NLRP14: variants seen among roughly 807,000 people sequenced by gnomAD.
NLRP14 encodes the protein NACHT, LRR and PYD domains-containing protein 14.
Under a neutral mutation model 94.7 loss-of-function variants are expected in NLRP14, and 105 were observed. That is an observed-to-expected ratio of 1.11 (90% CI 0.95 to 1.30). The LOEUF (loss-of-function observed/expected upper bound fraction) is 1.30. Among genes scored for constraint, NLRP14 ranks in the 50% most tolerant of loss-of-function variants. The pLI is 0.00. For missense variants in NLRP14, 1,362 were observed against 1,254.1 expected (o/e 1.09, Z -1.30); for synonymous variants, 508 against 459.9 (o/e 1.10, Z -1.34).
chr11:7,078,451 A>C, the NLRP14 span, among the ~76,000 whole-genome samples: 1 of 146,172 alleles, frequency 6.8e-6, no homozygotes, highest in African/African-American at 2.5e-5. Context: ...AAAAAAAAAA[A>C]AAAAAAAAAA....
At chr11:7,037,737 T>C (rs1445444664) in intron 1 of NLRP14, among the ~76,000 whole-genome samples, 1 of 152,172 alleles carries the variant, frequency 6.6e-6, no homozygotes, top group East Asian at 1.9e-4. Flanking sequence ...CTCAGTTAAC[T>C]GGAAGATATT....
rs527600221 is a variant in NLRP14, at chr11:7,069,349, G to C, written c.2976-937G>C. On this transcript the variant is annotated intron_variant, in intron 10 of 11. Coordinates refer to ENST00000299481, the MANE Select transcript of NLRP14 (RefSeq NM_176822.4). ...TAGGTACTCAGTTGTTCAATGGCCA[G>C]GTAAACATAAGGTGAAAATTAGATT... Among the ~76,000 whole-genome samples, 13 of 152,276 alleles carry C rather than the reference G, an allele frequency of 8.5e-5. No homozygotes were observed. The South Asian group carries it at 2.7e-3, about 32-fold the overall frequency.
At chr11:7,028,049 A>T (rs1472388138) in intron 1 of NLRP14, among the ~76,000 whole-genome samples, 1 of 152,036 alleles carries the variant, frequency 6.6e-6, no homozygotes, top group South Asian at 2.1e-4. Context: ...TGAATGTTCT[A>T]TTCTCACTCC....
chr11:7,089,005 G>T, the NLRP14 span: 1 of 1,254,680 alleles, frequency 8.0e-7, no homozygotes, highest in African/African-American at 1.5e-5. Context: ...CGTGGACTCG[G>T]CGACTAGGCG....
At position 7,042,474 on chromosome 11, in the gene NLRP14, T is replaced by C. The variant is rs1432710462; in HGVS notation, c.448T>C (p.Phe150Leu). ...KKSLAGKPEDFHHGIAEKDRK... is the reference protein window; with the variant it reads ...KKSLAGKPEDLHHGIAEKDRK... The stretch of plus-strand genomic sequence containing the variant: ...GTCTTTGGCTGGAAAGCCTGAAGAT[T>C]TCCATCATGGAATTGCAGAGAAAGA... Residue 150 changes from phenylalanine to leucine, a missense_variant, in exon 4 of 12, where the codon TTC (phenylalanine) becomes CTC (leucine). Coordinates refer to ENST00000299481, the MANE Select transcript of NLRP14 (RefSeq NM_176822.4). 2 of 1,613,998 alleles carry C rather than the reference T, an allele frequency of 1.2e-6. No homozygotes were observed. The highest frequency in any genetic ancestry group is 1.7e-6 in the Non-Finnish European group (2 of 1,179,918).
chr11:7,077,984 T>C, the NLRP14 span, among the ~76,000 whole-genome samples: 1 of 152,076 alleles, frequency 6.6e-6, no homozygotes, highest in Non-Finnish European at 1.5e-5. Context: ...TTAATGGGTA[T>C]AGAGTTTCAG....
intron 10 of NLRP14, among the ~76,000 whole-genome samples, chr11:7,065,996 A>G (rs1852699198): frequency 1.3e-5 from 2 of 152,142 alleles, no homozygotes; most frequent in African/African-American, 4.8e-5. Context: ...GCTGAGAATG[A>G]TGGTTTCCAG....
the NLRP14 span, chr11:7,089,207 C>A: frequency 1.4e-4 from 230 of 1,613,728 alleles, no homozygotes; most frequent in Non-Finnish European, 1.8e-4. Flanking sequence ...CCGAGTTTGG[C>A]AAGTATGGCC....
chr11:7,021,640 A>T (rs1227550099), intron 1 of NLRP14, among the ~76,000 whole-genome samples: 3 of 151,694 alleles, frequency 2.0e-5, no homozygotes, highest in Admixed American at 6.6e-5. Flanking sequence ...TTATTTATTT[A>T]TTTTTTATTA....
rs1205326953 is a variant in NLRP14 at position 7,042,693 on chromosome 11, C to T, written c.667C>T (p.Gln223Ter). 1.9e-6 allele frequency: 3 copies of T among 1,614,128 alleles called. No homozygotes were observed. In the South Asian group the frequency reaches 3.3e-5, roughly 18 times the overall value. ...TTATCTCAATGGGAGAGAAATTAAC[C>T]AGCTGAAAGAGAGAAGCTTTGCTCA... is the stretch of plus-strand genomic sequence containing the variant. ...VFYLNGREIN[Q>*]LKERSFAQLI... The change falls in exon 4 of 12, where the codon CAG becomes TAG. Residue 223 changes from glutamine (Q) to a stop codon, truncating the protein, a stop_gained. Transcript: ENST00000299481. LOFTEE classifies it high-confidence loss of function.
At chr11:7,089,549 G>A in the NLRP14 span, 4 of 1,201,754 alleles carry the variant, frequency 3.3e-6, no homozygotes, top group Non-Finnish European at 4.1e-6. Context: ...GGCCCTCCAG[G>A]GCCCCGATGC....
the NLRP14 span, chr11:7,090,594 C>A: frequency 2.3e-6 from 1 of 438,144 alleles, no homozygotes; most frequent in Non-Finnish European, 4.4e-6. Context: ...GGCTTCTTCC[C>A]TTGTAAATTT....
intron 10 of NLRP14, among the ~76,000 whole-genome samples, chr11:7,070,074 G>A (rs1852768126): frequency 6.6e-6 from 1 of 152,092 alleles, no homozygotes; most frequent in Non-Finnish European, 1.5e-5. Context: ...TTACGAATTT[G>A]TAATTCATGA....
intron 5 of NLRP14, among the ~76,000 whole-genome samples, chr11:7,049,106 A>C (rs1435089971): frequency 6.6e-6 from 1 of 152,212 alleles, no homozygotes; most frequent in African/African-American, 2.4e-5. Flanking sequence ...GGGGACTAGC[A>C]GAGACACTAT....
rs79319763 is a variant in NLRP14 at position 7,061,734 on chromosome 11, T to C, written c.2805-599T>C. Among the ~76,000 whole-genome samples, 1,191 of 152,120 alleles carry C rather than the reference T, an allele frequency of 7.8e-3. 24 individuals carry two copies. The highest frequency in any genetic ancestry group is 0.027 in the African/African-American group (1,127 of 41,508). On this transcript the variant is annotated intron_variant, in intron 9 of 11. Transcript: ENST00000299481. ...TAGAGAAATGATGAAGATTCTGTTATGTGGGGATATGCTAAACAGAAGGAA... is the reference window on the plus strand; with the variant it reads ...TAGAGAAATGATGAAGATTCTGTTACGTGGGGATATGCTAAACAGAAGGAA...
At chr11:7,025,396 C>T (rs191908363) in intron 1 of NLRP14, among the ~76,000 whole-genome samples, 49 of 152,222 alleles carry the variant, frequency 3.2e-4, no homozygotes, top group African/African-American at 1.2e-3. Context: ...CAGATGTCCC[C>T]TGAGTTCACA....
chr11:7,080,229 G>A, the NLRP14 span, among the ~76,000 whole-genome samples: 2 of 152,352 alleles, frequency 1.3e-5, no homozygotes, highest in East Asian at 3.9e-4. Flanking sequence ...AGCCCTTAAA[G>A]TGTGGGTCTG....
At chr11:7,077,609 G>A in the NLRP14 span, among the ~76,000 whole-genome samples, 1 of 152,252 alleles carries the variant, frequency 6.6e-6, no homozygotes, top group African/African-American at 2.4e-5. Flanking sequence ...AAAGAAAGAG[G>A]TTTAATGGAC....
Position 7,067,892 on chromosome 11 carries a change from T to C in NLRP14, c.2976-2394T>C, listed in dbSNP as rs182494369. ...TTGGAATTATTTCTTCTTTGAACTT[T>C]GTAACAATTTCTGGTGAAGCTGTCT... On this transcript the variant is annotated intron_variant, in intron 10 of 11. Coordinates refer to ENST00000299481, the MANE Select transcript of NLRP14 (RefSeq NM_176822.4). 1.2e-3 allele frequency among the ~76,000 whole-genome samples: 184 copies of C among 152,278 alleles called. 2 individuals are homozygous for C. Among genetic ancestry groups the C allele is most frequent in the African/African-American group, 4.4e-3 (181 of 41,586 alleles).
Sources: gnomAD v4.1 joint callset for allele counts (sites outside exome capture counted in the v4.1 genomes callset) on GRCh38, gnomAD v4.1.1 for gene constraint, MANE v1.5 for transcripts, NCBI Gene and HGNC (gene_info 2026-07-23, HGNC 2026-07-21) for gene names.